The following NDST4 variants were observed in gnomAD, a reference collection of about 807,000 sequenced individuals.
The protein encoded by NDST4 is N-heparan sulfate sulfotransferase 4.
A neutral mutation model predicts 100.8 loss-of-function variants in NDST4; 63 were observed. The observed-to-expected ratio is 0.62, with a 90% CI of 0.51 to 0.77. The LOEUF is 0.77. Among genes scored for constraint, NDST4 ranks in the 30% least tolerant of loss-of-function variants. NDST4 has a pLI of 0.00. For synonymous variants in NDST4, 377 were observed against 361.8 expected (o/e 1.04, Z -0.48); for missense variants, 943 against 1,018.4 (o/e 0.93, Z 1.01).
chr4:115,017,052 C>T (rs928521909), intron 2 of NDST4, among the ~76,000 whole-genome samples: 6 of 151,142 alleles, frequency 4.0e-5, no homozygotes, highest in Admixed American at 6.6e-5. Context: ...TTTTCTATAA[C>T]GAAATCTAGG....
chr4:114,951,438 C>T (rs1439641808), intron 4 of NDST4, among the ~76,000 whole-genome samples: 1 of 152,016 alleles, frequency 6.6e-6, no homozygotes, highest in Non-Finnish European at 1.5e-5. Flanking sequence ...TTTCATGCAT[C>T]ATCAACCTCT....
intron 3 of NDST4, among the ~76,000 whole-genome samples, chr4:114,974,544 G>A (rs2126242717): frequency 6.6e-6 from 1 of 152,202 alleles, no homozygotes; most frequent in Non-Finnish European, 1.5e-5. Context: ...CTCTTTCAAA[G>A]AAGGCATCTG....
chr4:114,869,639 A>G (rs1211800634), intron 7 of NDST4, among the ~76,000 whole-genome samples: 1 of 152,166 alleles, frequency 6.6e-6, no homozygotes, highest in East Asian at 1.9e-4. Flanking sequence ...AATAGAATGT[A>G]GTTCAGTGTA....
intron 6 of NDST4, among the ~76,000 whole-genome samples, chr4:114,904,227 A>AC (rs942449671): frequency 2.0e-5 from 3 of 151,978 alleles, no homozygotes; most frequent in Admixed American, 2.0e-4. Context: ...CAAGCAATAT[A>AC]CATTTTTTAA....
intron 6 of NDST4, among the ~76,000 whole-genome samples, chr4:114,877,084 A>ACG (rs1724270346): frequency 6.6e-6 from 1 of 151,548 alleles, no homozygotes; most frequent in Admixed American, 6.6e-5. Flanking sequence ...ACACACACAC[A>ACG]CACGCGTGCA....
At chr4:114,906,377 T>G (rs1724948888) in intron 6 of NDST4, among the ~76,000 whole-genome samples, 1 of 136,976 alleles carries the variant, frequency 7.3e-6, no homozygotes, top group Non-Finnish European at 1.5e-5. Context: ...TCTAGCGGCA[T>G]TTTTTTTTGT....
At chr4:115,040,825 G>A (rs144667767) in intron 2 of NDST4, among the ~76,000 whole-genome samples, 49 of 151,956 alleles carry the variant, frequency 3.2e-4, no homozygotes, top group African/African-American at 1.0e-3. Context: ...AGAATACAAC[G>A]TCTGCAATAG....
intron 2 of NDST4, among the ~76,000 whole-genome samples, chr4:115,011,017 T>A (rs1727532113): frequency 6.6e-6 from 1 of 152,048 alleles, no homozygotes; most frequent in Non-Finnish European, 1.5e-5. Flanking sequence ...TTCACATTGA[T>A]AATAATTTAA....
rs116312771 is a variant in NDST4 at position 114,946,395 on chromosome 4, G to A, written c.1222-8892C>T. ...TGTGTAATATATTAGAAGGTGATTA[G>A]AAATATGGAGAAAAATAAAGCAGAA... On this transcript the variant is annotated intron_variant, in intron 4 of 13. Transcript: ENST00000264363. 6.5e-3 allele frequency among the ~76,000 whole-genome samples: 983 copies of A among 152,234 alleles called. 6 individuals are homozygous for A. The highest frequency in any genetic ancestry group is 0.021 in the African/African-American group (852 of 41,522).
At chr4:115,022,970 A>C (rs904408605) in intron 2 of NDST4, among the ~76,000 whole-genome samples, 1 of 152,168 alleles carries the variant, frequency 6.6e-6, no homozygotes, top group African/African-American at 2.4e-5. Context: ...TGTTTTTATC[A>C]GCAGCATGAA....
chr4:114,833,534 T>C, intron 12 of NDST4, 72 bp downstream of exon 12: 1 of 946,146 alleles, frequency 1.1e-6, no homozygotes, highest in Non-Finnish European at 1.7e-6. Context: ...AATGATGTTA[T>C]ATACACACCT....
chr4:114,830,700 C>T (rs1723178188), intron 12 of NDST4, among the ~76,000 whole-genome samples: 1 of 152,218 alleles, frequency 6.6e-6, no homozygotes, highest in Non-Finnish European at 1.5e-5. Flanking sequence ...AAGTTCATTA[C>T]TATGGGACTT....
intron 1 of NDST4, among the ~76,000 whole-genome samples, chr4:115,108,078 A>C (rs559248039): frequency 2.0e-5 from 3 of 152,114 alleles, no homozygotes; most frequent in Non-Finnish European, 2.9e-5. Flanking sequence ...AATTGACATA[A>C]CTATTAGTGA....
chr4:114,881,575 G>A (rs994265841), intron 6 of NDST4, among the ~76,000 whole-genome samples: 1 of 152,010 alleles, frequency 6.6e-6, no homozygotes, highest in African/African-American at 2.4e-5. Context: ...GTCCAGGTGA[G>A]CCCATATAAA....
At chr4:114,989,608 A>G (rs1293249502) in intron 2 of NDST4, among the ~76,000 whole-genome samples, 1 of 152,146 alleles carries the variant, frequency 6.6e-6, no homozygotes, top group African/African-American at 2.4e-5. Flanking sequence ...CATGATTTAT[A>G]CCTTAAATAT....
intron 1 of NDST4, among the ~76,000 whole-genome samples, chr4:115,095,189 A>C (rs1031725455): frequency 6.6e-6 from 1 of 151,924 alleles, no homozygotes; most frequent in Admixed American, 6.6e-5. Flanking sequence ...TCATTATGCC[A>C]TTTATCCCCG....
At chr4:114,935,093 G>T in intron 6 of NDST4, 113 bp downstream of exon 6, 1 of 844,066 alleles carries the variant, frequency 1.2e-6, no homozygotes, top group Non-Finnish European at 1.6e-6. Context: ...TGCATGACCA[G>T]TAAGATGTGC....
rs545336917 is a variant in NDST4 at position 114,937,905 on chromosome 4, T to G, written c.1222-402A>C. Among the ~76,000 whole-genome samples the G allele has an allele frequency of 5.9e-5, 9 of 151,838 alleles. No homozygotes were observed. The South Asian group carries it at 1.9e-3, about 32-fold the overall frequency. The stretch of plus-strand genomic sequence containing the variant: ...TGTGTGTGTGGCGGGGGGCGGGTAT[T>G]GAAGAAAATCAGAAAGGTAACTATG... On this transcript the variant is annotated intron_variant, in intron 4 of 13. Transcript: ENST00000264363.
rs1729307307 is a variant in NDST4, at chr4:115,081,714, C to A, written c.-246-4432G>T. ...TTTTTAAGTAGTCTAAGGTGATACA[C>A]CAAAATTTTTATTTTACCTTAATTA... On this transcript the variant is annotated intron_variant, in intron 1 of 13. Transcript: ENST00000264363. Among the ~76,000 whole-genome samples, 4 of 152,180 alleles carry A rather than the reference C, an allele frequency of 2.6e-5. No homozygotes were observed. The South Asian group carries it at 8.3e-4, about 32-fold the overall frequency.
Sources: allele counts gnomAD v4.1 joint callset (sites outside exome capture counted in the v4.1 genomes callset), GRCh38; gene constraint gnomAD v4.1.1; transcripts MANE v1.5; gene names NCBI Gene and HGNC (gene_info 2026-07-23, HGNC 2026-07-21).